MORC2: variants seen among roughly 807,000 people sequenced by gnomAD.
MORC2 encodes ATPase MORC2.
MORC2 carries 30 observed loss-of-function variants against 136.0 expected under a neutral mutation model. That is an observed-to-expected ratio of 0.22 (90% CI 0.17 to 0.30). MORC2 has a LOEUF of 0.30. Ranked by LOEUF, MORC2 falls within the 10% of genes least tolerant of loss-of-function variation. The pLI is 1.00. For missense variants in MORC2, 922 were observed against 1,333.1 expected, an observed-to-expected ratio of 0.69 and a Z score of 4.80; for synonymous variants, 439 against 487.0, an observed-to-expected ratio of 0.90 and a Z score of 1.30.
chr22:30,928,468 G>A (rs577020999), intron 24 of MORC2, among the ~76,000 whole-genome samples: 4 of 152,336 alleles, frequency 2.6e-5, no homozygotes, highest in South Asian at 2.1e-4. Flanking sequence ...ACAGCAGGCC[G>A]TGAGGACGCG....
chr22:30,958,147 A>G (rs1350195616), intron 2 of MORC2, among the ~76,000 whole-genome samples: 1 of 152,222 alleles, frequency 6.6e-6, no homozygotes, highest in Non-Finnish European at 1.5e-5. Context: ...GTGCTGACCA[A>G]TGATTCCTTC....
intron 12 of MORC2, among the ~76,000 whole-genome samples, chr22:30,939,277 G>C (rs566200124): frequency 2.0e-5 from 3 of 152,242 alleles, no homozygotes; most frequent in African/African-American, 7.2e-5. Flanking sequence ...AAGTATAAGG[G>C]AGTTTAAAAA....
At position 30,950,268 on chromosome 22, in the gene MORC2, T is replaced by C; in HGVS notation, c.226+109A>G. On this transcript the variant is annotated intron_variant, in intron 4 of 25. Transcript: ENST00000397641. ...CTTCTTACTCCCCAGGTGGATCTTC[T>C]AGACATAACATTGGAGGCAACAGAA... 1.8e-6 allele frequency: 2 copies of C among 1,142,294 alleles called. 1 individual carries two copies. The highest frequency in any genetic ancestry group is 4.0e-5 in the Admixed American group (2 of 50,514). 70.8% of individuals were successfully genotyped at this position (1,142,294 alleles called of 1,614,324 possible).
Position 30,933,760 on chromosome 22 carries a change from G to A in MORC2, c.2326-240C>T, listed in dbSNP as rs567216275. 7.9e-5 allele frequency among the ~76,000 whole-genome samples: 12 copies of A among 152,264 alleles called. 1 individual carries two copies. The South Asian group carries it at 2.3e-3, about 29-fold the overall frequency. The stretch of plus-strand genomic sequence containing the variant: ...TGTGTTTCAAGCCTCACTGATGTAC[G>A]TCTGTGTGACTTCAGGCCTGTGGTT... On this transcript the variant is annotated intron_variant, in intron 20 of 25. Coordinates refer to ENST00000397641, the MANE Select transcript of MORC2 (RefSeq NM_001303256.3).
chr22:30,938,284 GCTTAAA>G lies in MORC2; in HGVS notation c.1074-85_1074-80del. ...AGTGTTTAAGATGTGTTAAGCTTAA[GCTTAAA>G]CTTGAAACATGTTAAGCCAAAAGTT... On this transcript the variant is annotated intron_variant, in intron 12 of 25. Transcript: ENST00000397641. 2.0e-6 allele frequency: 3 copies of G among 1,534,022 alleles called. No homozygotes were observed. The South Asian group carries it at 3.7e-5, about 19-fold the overall frequency.
In MORC2 at chr22:30,968,559, T is replaced by A. The variant is rs935207972; in HGVS notation, c.-670A>T. On this transcript the variant is annotated 5_prime_UTR_variant, in exon 1 of 26. An upstream start codon of the reference 5' UTR is lost. Coordinates refer to ENST00000397641, the MANE Select transcript of MORC2 (RefSeq NM_001303256.3). The stretch of plus-strand genomic sequence containing the variant: ...CAGATTACCTCACACTTGGCCCACA[T>A]AAACACCTCACAAATGACCCGCCCA... Among the ~76,000 whole-genome samples the A allele has an allele frequency of 1.4e-4, 22 of 152,032 alleles. No individual in the cohort carries two copies. Among genetic ancestry groups the A allele is most frequent in the Non-Finnish European group, 2.6e-4 (18 of 68,006 alleles).
chr22:30,962,468 A>C (rs1021239617), intron 1 of MORC2, among the ~76,000 whole-genome samples: 1 of 151,772 alleles, frequency 6.6e-6, no homozygotes, highest in Non-Finnish European at 1.5e-5. Context: ...GGTGGTGTAC[A>C]CCTGTAGTTC....
rs1235246986 is a variant in MORC2 at position 30,932,369 on chromosome 22, G to A, written c.2831C>T (p.Ser944Phe). Residue 944 changes from serine to phenylalanine, a missense_variant, in exon 24 of 26, where the codon TCT becomes TTT. By Grantham distance (155) the Ser-to-Phe change is radical. This residue lies in a region of MORC2 where 263 missense variants were observed against 388.3 expected (regional missense o/e 0.68). Coordinates refer to ENST00000397641, the MANE Select transcript of MORC2 (RefSeq NM_001303256.3). The surrounding 1 kb of genome is among the most constrained non-coding windows in gnomAD (Gnocchi z 4.4). ...TCAGGCCAGACTCACCAGAGGAAAAGATATTAGCTCATCTGAATTCATAGC... is the reference window on the plus strand; with the variant it reads ...TCAGGCCAGACTCACCAGAGGAAAAAATATTAGCTCATCTGAATTCATAGC... ...LSAMNSDELI[S>F]FPLKEYFKQY... 6.2e-7 allele frequency: 1 copy of A among 1,613,494 alleles called. No homozygotes were observed. Among genetic ancestry groups the A allele is most frequent in the East Asian group, 2.2e-5 (1 of 44,874 alleles).
chr22:30,956,288 T>C (rs2040967010), intron 3 of MORC2, among the ~76,000 whole-genome samples: 1 of 152,096 alleles, frequency 6.6e-6, no homozygotes, highest in South Asian at 2.1e-4. Context: ...TGAGAACAAC[T>C]CAGCAAACCT....
chr22:30,937,481 G>A lies in MORC2; in HGVS notation c.1498+102C>T, dbSNP rs1034798535. On this transcript the variant is annotated intron_variant, in intron 15 of 25. Coordinates refer to ENST00000397641, the MANE Select transcript of MORC2 (RefSeq NM_001303256.3). The surrounding 1 kb of genome is among the most constrained non-coding windows in gnomAD (Gnocchi z 4.7). ...GACTTGGATCCCTAGGGGACTGTAA[G>A]TCCATGAATGTCAGTCAAGTTAGGA... 6.6e-6 allele frequency: 10 copies of A among 1,517,702 alleles called. No individual in the cohort carries two copies. The highest frequency in any genetic ancestry group is 8.0e-6 in the Non-Finnish European group (9 of 1,126,100). The allele number at this position is 1,517,702 out of a possible 1,614,324, so 94.0% of individuals were successfully genotyped here.
intron 6 of MORC2, among the ~76,000 whole-genome samples, chr22:30,943,859 T>C (rs556786762): frequency 2.6e-5 from 4 of 152,302 alleles, no homozygotes; most frequent in African/African-American, 7.2e-5. Context: ...AACCTCCGCC[T>C]CCTGGGTTCA....
At chr22:30,940,860 T>A (rs781411408) in intron 9 of MORC2, 23 bp from the exon 10 acceptor site, 3 of 1,607,534 alleles carry the variant, frequency 1.9e-6, no homozygotes, top group Non-Finnish European at 2.6e-6. Context: ...AAAAGCAAGC[T>A]GATGGCCCAC....
intron 2 of MORC2, 23 bp downstream of exon 2, chr22:30,958,618 T>C (rs1355219356): frequency 9.1e-6 from 14 of 1,535,132 alleles, no homozygotes; most frequent in African/African-American, 2.8e-5. Flanking sequence ...CAAGCACAGA[T>C]TGTATGCCTG....
chr22:30,943,163 C>CA (rs913399052), intron 6 of MORC2, among the ~76,000 whole-genome samples: 1 of 151,950 alleles, frequency 6.6e-6, no homozygotes, highest in African/African-American at 2.4e-5. Flanking sequence ...AAATAGGATA[C>CA]AAAAAATACC....
intron 5 of MORC2, among the ~76,000 whole-genome samples, chr22:30,946,773 C>A (rs544371843): frequency 1.6e-4 from 24 of 152,282 alleles, no homozygotes; most frequent in African/African-American, 5.1e-4. Flanking sequence ...TCACTCCCCC[C>A]ACAACGCTGA....
At position 30,928,200 on chromosome 22, in the gene MORC2, T is replaced by C; in HGVS notation, c.2849A>G (p.Tyr950Cys). 6.2e-7 allele frequency: 1 copy of C among 1,614,066 alleles called. No homozygotes were observed. Among genetic ancestry groups the C allele is most frequent in the Non-Finnish European group, 8.5e-7 (1 of 1,179,978 alleles). ...GAGCCCTACTTCATATTGCTTGAAGTACTCCTTCTGTTGGGAGCAGAGCAA... is the reference window on the plus strand; with the variant it reads ...GAGCCCTACTTCATATTGCTTGAAGCACTCCTTCTGTTGGGAGCAGAGCAA... Reference protein sequence around the residue: ...DELISFPLKEYFKQYEVGLQN... With the variant: ...DELISFPLKECFKQYEVGLQN... Residue 950 changes from tyrosine to cysteine, a missense_variant, in exon 25 of 26, where the codon TAC becomes TGC. By Grantham distance (194) the Tyr-to-Cys change is radical. Transcript: ENST00000397641.
At chr22:30,967,359 A>G in intron 1 of MORC2, 1 of 987,128 alleles carries the variant, frequency 1.0e-6, no homozygotes, top group African/African-American at 1.7e-5. Flanking sequence ...ACTTCTGAAA[A>G]AATAAAAATT....
rs767914603 is a variant in MORC2, at chr22:30,932,446, A to C, written c.2754T>G (p.Cys918Trp). The C allele has an allele frequency of 6.2e-7, 1 of 1,613,982 alleles. No individual in the cohort carries two copies. Among genetic ancestry groups the C allele is most frequent in the African/African-American group, 1.3e-5 (1 of 75,052 alleles). ...IDLLVQILRN[C>W]LRYFLPPSFP... ...AACTTGGAGGCAGGAAGTACCGTAA[A>C]CAATTCCTAAAGAAGGCAGGGACAG... The change falls in exon 24 of 26, where the codon TGT becomes TGG. Residue 918 changes from cysteine (C) to tryptophan (W), a missense_variant. Physicochemically the swap from Cys to Trp is radical, Grantham distance 215. Coordinates refer to ENST00000397641, the MANE Select transcript of MORC2 (RefSeq NM_001303256.3). This position sits in a 1 kb window ranked among gnomAD's most constrained non-coding sequence, Gnocchi z 4.4.
intron 7 of MORC2, 37 bp from the exon 8 acceptor site, chr22:30,942,039 C>T (rs1490391777): frequency 1.7e-5 from 27 of 1,609,094 alleles, no homozygotes; most frequent in South Asian, 2.2e-5. Flanking sequence ...CCAGATCCCC[C>T]GGCCCACCCC....
Sources: gnomAD v4.1 joint callset for allele counts (sites outside exome capture counted in the v4.1 genomes callset) on GRCh38, gnomAD v4.1.1 for gene constraint, gnomAD v4.1.1 regional missense constraint, Gnocchi (gnomAD v3.1) non-coding constraint, MANE v1.5 for transcripts, NCBI Gene and HGNC (gene_info 2026-07-23, HGNC 2026-07-21) for gene names.